FRS2: variants seen among roughly 807,000 people sequenced by gnomAD.
The protein encoded by FRS2 is FGFR signalling adaptor.
Under a neutral mutation model 43.9 loss-of-function variants are expected in FRS2, and 8 were observed. That is an observed-to-expected ratio of 0.18 (90% CI 0.11 to 0.33). FRS2 has a LOEUF of 0.33. FRS2 is among the 10% of genes least tolerant of loss of function. FRS2 has a pLI of 1.00. For synonymous variants in FRS2, 219 were observed against 220.3 expected, an observed-to-expected ratio of 0.99 and a Z score of 0.05; for missense variants, 534 against 627.6, an observed-to-expected ratio of 0.85 and a Z score of 1.59.
intron 1 of FRS2, among the ~76,000 whole-genome samples, chr12:69,507,924 T>C (rs1874094966): frequency 6.8e-6 from 1 of 148,146 alleles, no homozygotes; most frequent in Non-Finnish European, 1.5e-5. Context: ...CTCAGGAGGC[T>C]GAGGCAGGAG....
intron 3 of FRS2, among the ~76,000 whole-genome samples, chr12:69,537,275 C>T (rs1877406938): frequency 6.6e-6 from 1 of 152,048 alleles, no homozygotes; most frequent in South Asian, 2.1e-4. Flanking sequence ...AATTTATTTA[C>T]CTAATTACTG....
intron 1 of FRS2, among the ~76,000 whole-genome samples, chr12:69,528,089 A>T (rs148854831): frequency 5.3e-5 from 8 of 152,216 alleles, no homozygotes; most frequent in African/African-American, 1.9e-4. Flanking sequence ...TTTGGTTTTC[A>T]GGGACTGTTA....
chr12:69,524,237 G>A (rs1455712774), intron 1 of FRS2, among the ~76,000 whole-genome samples: 1 of 152,114 alleles, frequency 6.6e-6, no homozygotes, highest in Non-Finnish European at 1.5e-5. Context: ...TGGGGGATAG[G>A]GGACGGGGGT....
chr12:69,556,855 A>G (rs7308973), intron 3 of FRS2, among the ~76,000 whole-genome samples: 3,847 of 152,284 alleles, frequency 0.025, 164 homozygotes, highest in African/African-American at 0.087. Flanking sequence ...AATGCTTTTT[A>G]AGAACTATTA....
At chr12:69,482,923 T>TAC (rs1871470385) in intron 1 of FRS2, among the ~76,000 whole-genome samples, 1 of 152,212 alleles carries the variant, frequency 6.6e-6, no homozygotes. Flanking sequence ...AGTTGGTAGG[T>TAC]TAGTGCCTTG....
chr12:69,514,891 ACC>A (rs1337326770), intron 1 of FRS2, among the ~76,000 whole-genome samples: 3 of 152,088 alleles, frequency 2.0e-5, no homozygotes, highest in Non-Finnish European at 4.4e-5. Context: ...CCAGTGTTTT[ACC>A]TTCTGAAATC....
chr12:69,562,537 A>AC (rs1879958262), intron 4 of FRS2, among the ~76,000 whole-genome samples: 1 of 151,666 alleles, frequency 6.6e-6, no homozygotes, highest in African/African-American at 2.4e-5. Context: ...TGCTGACACC[A>AC]CCCCCCTGCT....
At chr12:69,524,420 C>G (rs1875999886) in intron 1 of FRS2, among the ~76,000 whole-genome samples, 1 of 151,958 alleles carries the variant, frequency 6.6e-6, no homozygotes, top group African/African-American at 2.4e-5. Flanking sequence ...GCACAGGCAG[C>G]CTGGTGTGTG....
At chr12:69,472,447 G>A (rs73339691) in intron 1 of FRS2, among the ~76,000 whole-genome samples, 1 of 152,032 alleles carries the variant, frequency 6.6e-6, no homozygotes, top group African/African-American at 2.4e-5. Context: ...CACATGTGAA[G>A]TACTTAATTA....
At chr12:69,548,180 A>C (rs1474848323) in intron 3 of FRS2, among the ~76,000 whole-genome samples, 1 of 152,186 alleles carries the variant, frequency 6.6e-6, no homozygotes, top group Admixed American at 6.6e-5. Flanking sequence ...TAACAGAATT[A>C]ATCTGGTTGC....
chr12:69,544,896 C>T (rs992422792), intron 3 of FRS2, among the ~76,000 whole-genome samples: 1 of 151,888 alleles, frequency 6.6e-6, no homozygotes, highest in Non-Finnish European at 1.5e-5. Context: ...ATATTCCATC[C>T]AGAGCAATTA....
chr12:69,476,113 G>A (rs1365004965), intron 1 of FRS2, among the ~76,000 whole-genome samples: 1 of 152,154 alleles, frequency 6.6e-6, no homozygotes, highest in Non-Finnish European at 1.5e-5. Context: ...TGAGGGATTG[G>A]AGGAGACTAT....
intron 1 of FRS2, among the ~76,000 whole-genome samples, chr12:69,487,318 A>G (rs1352179848): frequency 1.3e-5 from 2 of 152,234 alleles, no homozygotes; most frequent in Non-Finnish European, 2.9e-5. Context: ...CTGACTCTCT[A>G]CTTAGCCAAT....
intron 1 of FRS2, among the ~76,000 whole-genome samples, chr12:69,517,422 T>G (rs1875169262): frequency 6.6e-6 from 1 of 152,182 alleles, no homozygotes; most frequent in South Asian, 2.1e-4. Context: ...TTCGAAACAC[T>G]TCTGGTTTCA....
Position 69,571,262 on chromosome 12 carries a change from G to C in FRS2, c.254-14G>C, listed in dbSNP as rs1489058127. 2 of 1,563,632 alleles carry C rather than the reference G, an allele frequency of 1.3e-6. No homozygotes were observed. Among genetic ancestry groups the C allele is most frequent in the South Asian group, 2.4e-5 (2 of 84,584 alleles). On this transcript the variant is annotated splice_polypyrimidine_tract_variant and intron_variant, in intron 6 of 8. Transcript: ENST00000549921. ...GTATGTTAACTATTTTTCCCTTTTG[G>C]TTTATATTTGTAGGAATCTTTGCCT... is the stretch of plus-strand genomic sequence containing the variant.
intron 1 of FRS2, among the ~76,000 whole-genome samples, chr12:69,490,366 G>C (rs1239468499): frequency 1.3e-5 from 2 of 151,096 alleles, no homozygotes; most frequent in Non-Finnish European, 2.9e-5. Context: ...ATAGTGTTCA[G>C]CTTATTTGGA....
intron 1 of FRS2, among the ~76,000 whole-genome samples, chr12:69,526,376 G>C (rs529854949): frequency 2.6e-5 from 4 of 152,108 alleles, no homozygotes; most frequent in African/African-American, 4.8e-5. Flanking sequence ...AATACAGTGG[G>C]TATATTACTT....
chr12:69,569,980 C>T (rs1183594533), intron 5 of FRS2, among the ~76,000 whole-genome samples: 2 of 152,126 alleles, frequency 1.3e-5, no homozygotes, highest in Non-Finnish European at 2.9e-5. Flanking sequence ...TTATTTTCTG[C>T]GTAAATTTAT....
At chr12:69,514,361 C>G (rs1874767675) in intron 1 of FRS2, among the ~76,000 whole-genome samples, 1 of 152,186 alleles carries the variant, frequency 6.6e-6, no homozygotes, top group Non-Finnish European at 1.5e-5. Context: ...ATGCTGCCAC[C>G]TCTGCCCCAG....
Sources: allele counts gnomAD v4.1 joint callset (sites outside exome capture counted in the v4.1 genomes callset), GRCh38; gene constraint gnomAD v4.1.1; transcripts MANE v1.5; gene names NCBI Gene and HGNC (gene_info 2026-07-23, HGNC 2026-07-21).